The following FGF10 variants were observed in gnomAD, a reference collection of about 807,000 sequenced individuals.
FGF10 encodes the protein FGF-10.
Under a neutral mutation model 19.8 loss-of-function variants are expected in FGF10, and 2 were observed. The ratio of observed to expected loss-of-function variants is 0.10; its 90% CI spans 0.04 to 0.32. The LOEUF (loss-of-function observed/expected upper bound fraction) is 0.32, where lower values mean the gene tolerates loss of function less well. Ranked by LOEUF, FGF10 falls within the 10% of genes least tolerant of loss-of-function variation. The pLI, the probability that FGF10 is intolerant of heterozygous loss-of-function variation, is 1.00. For synonymous variants in FGF10, 112 were observed against 94.0 expected (o/e 1.19, Z -1.10); for missense variants, 191 against 246.3 (o/e 0.78, Z 1.50).
intron 1 of FGF10, among the ~76,000 whole-genome samples, chr5:44,342,199 T>G (rs1740985877): frequency 6.6e-6 from 1 of 151,942 alleles, no homozygotes; most frequent in African/African-American, 2.4e-5. Context: ...TCTTCATGAG[T>G]ATCACAAACA....
chr5:44,330,129 G>GT (rs1416863238), intron 1 of FGF10, among the ~76,000 whole-genome samples: 1 of 152,168 alleles, frequency 6.6e-6, no homozygotes, highest in Non-Finnish European at 1.5e-5. Context: ...TCCTTTAGTA[G>GT]TTTTTCAACA....
intron 1 of FGF10, among the ~76,000 whole-genome samples, chr5:44,363,623 G>T (rs1741539930): frequency 6.6e-6 from 1 of 151,948 alleles, no homozygotes; most frequent in South Asian, 2.1e-4. Flanking sequence ...GAGCATGAAG[G>T]ATTCACCCAC....
intron 1 of FGF10, among the ~76,000 whole-genome samples, chr5:44,384,510 A>G (rs1279620582): frequency 6.6e-6 from 1 of 152,108 alleles, no homozygotes; most frequent in African/African-American, 2.4e-5. Context: ...GATTTGGATA[A>G]TTTGTTTTTT....
At chr5:44,333,714 A>C (rs1475142522) in intron 1 of FGF10, among the ~76,000 whole-genome samples, 1 of 152,164 alleles carries the variant, frequency 6.6e-6, no homozygotes, top group Non-Finnish European at 1.5e-5. Flanking sequence ...GCTAATCAAC[A>C]GATGAAGGGG....
chr5:44,311,940 G>A (rs1336659050), intron 1 of FGF10, among the ~76,000 whole-genome samples: 4 of 151,998 alleles, frequency 2.6e-5, no homozygotes, highest in African/African-American at 9.7e-5. Flanking sequence ...CCTTATGGAG[G>A]CCAATAGAAA....
At chr5:44,321,515 C>A (rs946528182) in intron 1 of FGF10, among the ~76,000 whole-genome samples, 2 of 152,174 alleles carry the variant, frequency 1.3e-5, no homozygotes, top group Non-Finnish European at 2.9e-5. Context: ...TCAGTATATG[C>A]ATAGACAGAG....
At chr5:44,361,988 C>T (rs1276734312) in intron 1 of FGF10, among the ~76,000 whole-genome samples, 2 of 151,636 alleles carry the variant, frequency 1.3e-5, no homozygotes, top group Admixed American at 1.3e-4. Flanking sequence ...AATCTCATGT[C>T]TTTATGCCTC....
At chr5:44,305,256 G>A (rs1740049285) in intron 2 of FGF10, 64 bp from the exon 3 acceptor site, 4 of 1,478,824 alleles carry the variant, frequency 2.7e-6, no homozygotes, top group Non-Finnish European at 1.9e-6. Flanking sequence ...TTTGATACAA[G>A]CCATCCAGAG....
intron 1 of FGF10, among the ~76,000 whole-genome samples, chr5:44,360,341 C>T (rs371094594): frequency 3.3e-5 from 5 of 151,698 alleles, no homozygotes; most frequent in South Asian, 4.2e-4. Context: ...CTTATCCTGA[C>T]ATTTGATATC....
chr5:44,381,480 A>C lies in FGF10; in HGVS notation c.325+6878T>G, dbSNP rs201120094. Reference sequence around the variant, plus strand: ...ACCAGATAAAAGTAATAAAAAAAAAAACACACACAAAACCAAGAAGGTGAA... The same window carrying C: ...ACCAGATAAAAGTAATAAAAAAAAACACACACACAAAACCAAGAAGGTGAA... On this transcript the variant is annotated intron_variant, in intron 1 of 2. Transcript: ENST00000264664. Among the ~76,000 whole-genome samples the C allele has an allele frequency of 1.2e-3, 186 of 152,144 alleles. 1 individual carries two copies. The highest frequency in any genetic ancestry group is 4.2e-3 in the African/African-American group (174 of 41,560).
chr5:44,374,319 A>G (rs577215982), intron 1 of FGF10, among the ~76,000 whole-genome samples: 29 of 152,298 alleles, frequency 1.9e-4, no homozygotes, highest in African/African-American at 7.0e-4. Flanking sequence ...AATGACAATA[A>G]TCTCCTCATT....
At chr5:44,379,841 C>T (rs1252910737) in intron 1 of FGF10, among the ~76,000 whole-genome samples, 2 of 152,198 alleles carry the variant, frequency 1.3e-5, no homozygotes, top group African/African-American at 4.8e-5. Context: ...CCTCCTTTCA[C>T]AGTATGTGTC....
chr5:44,359,765 T>C (rs1353570526), intron 1 of FGF10, among the ~76,000 whole-genome samples: 1 of 151,444 alleles, frequency 6.6e-6, no homozygotes, highest in Non-Finnish European at 1.5e-5. Flanking sequence ...AATGGTCAAG[T>C]GAGGGCTTTG....
At chr5:44,305,988 A>G (rs1279013504) in intron 2 of FGF10, among the ~76,000 whole-genome samples, 2 of 152,180 alleles carry the variant, frequency 1.3e-5, no homozygotes, top group Non-Finnish European at 2.9e-5. Context: ...TCAGGAGGCC[A>G]ATTGGATTTA....
At chr5:44,317,230 C>G (rs183624998) in intron 1 of FGF10, among the ~76,000 whole-genome samples, 2 of 152,130 alleles carry the variant, frequency 1.3e-5, no homozygotes, top group South Asian at 4.1e-4. Context: ...TCTGTCAATA[C>G]GCTTGACATG....
intron 1 of FGF10, among the ~76,000 whole-genome samples, chr5:44,378,710 G>T (rs1741921466): frequency 6.6e-6 from 1 of 152,124 alleles, no homozygotes; most frequent in African/African-American, 2.4e-5. Flanking sequence ...GGATTACAGG[G>T]TCAGCCACTG....
At chr5:44,337,834 G>A (rs1451034950) in intron 1 of FGF10, among the ~76,000 whole-genome samples, 1 of 152,106 alleles carries the variant, frequency 6.6e-6, no homozygotes, top group East Asian at 1.9e-4. Flanking sequence ...CCAGCTACAT[G>A]GGAGGCTGAC....
chr5:44,352,094 C>T (rs182055857), intron 1 of FGF10, among the ~76,000 whole-genome samples: 1 of 151,586 alleles, frequency 6.6e-6, no homozygotes, highest in East Asian at 2.0e-4. Flanking sequence ...AAGCATAGTC[C>T]ATGAAAGAGG....
At chr5:44,321,603 C>G (rs1740490849) in intron 1 of FGF10, among the ~76,000 whole-genome samples, 1 of 152,168 alleles carries the variant, frequency 6.6e-6, no homozygotes, top group Non-Finnish European at 1.5e-5. Flanking sequence ...AGTCTATGCA[C>G]TGTGTCATCT....
Sources: allele counts gnomAD v4.1 joint callset (sites outside exome capture counted in the v4.1 genomes callset), GRCh38; gene constraint gnomAD v4.1.1; transcripts MANE v1.5; gene names NCBI Gene and HGNC (gene_info 2026-07-23, HGNC 2026-07-21).